TMEM269: variants seen among roughly 807,000 people sequenced by gnomAD.
The protein encoded by TMEM269 is transmembrane protein 269.
A neutral mutation model predicts 15.8 loss-of-function variants in TMEM269; 12 were observed. The ratio of observed to expected loss-of-function variants is 0.76; its 90% CI spans 0.49 to 1.23. The LOEUF is 1.23. Ranked by LOEUF, TMEM269 falls within the 50% of genes most tolerant of loss-of-function variation. TMEM269 has a pLI of 0.00. For missense variants in TMEM269, 211 were observed against 245.4 expected, an observed-to-expected ratio of 0.86 and a Z score of 0.94; for synonymous variants, 93 against 99.3, an observed-to-expected ratio of 0.94 and a Z score of 0.38.
rs10158167 is a variant in TMEM269 at position 42,788,482 on chromosome 1, G to T, written c.-98-1314G>T. On this transcript the variant is annotated intron_variant, in intron 1 of 5. Transcript: ENST00000637012. The surrounding 1 kb of genome is among the most constrained non-coding windows in gnomAD (Gnocchi z 4.0). ...CAGATTGAGTGTAAGGTGTACAAAT[G>T]TGGTCTTAGAGTAAAAACAGAGACA... is the stretch of plus-strand genomic sequence containing the variant. Among the ~76,000 whole-genome samples the T allele has an allele frequency of 2.2e-4, 33 of 152,254 alleles. No homozygotes were observed. Among genetic ancestry groups the T allele is most frequent in the African/African-American group, 7.9e-4 (33 of 41,560 alleles).
chr1:42,794,534 C>T lies in TMEM269; in HGVS notation c.405C>T (p.Leu135=), dbSNP rs865970140. ...ILCCMASLMI[L]FMMDQSYYPY... ...GCTGCATGGCCTCACTCATGATTCT[C>T]TTCATGATGGACCAGAGCTACTATC... The change falls in exon 5 of 6, where the codon CTC becomes CTT. Residue 135 remains leucine, a synonymous_variant. Transcript: ENST00000637012. The T allele has an allele frequency of 4.5e-6, 7 of 1,550,604 alleles. No homozygotes were observed. Among genetic ancestry groups the T allele is most frequent in the Middle Eastern group, 3.3e-4 (2 of 6,016 alleles).
intron 5 of TMEM269, 23 bp from the exon 6 acceptor site, chr1:42,798,075 G>A: frequency 1.3e-6 from 2 of 1,551,086 alleles, no homozygotes; most frequent in Non-Finnish European, 8.7e-7. Flanking sequence ...GAAATTGAGT[G>A]TCTGCACTTT....
rs1371432812 is a variant in TMEM269, at chr1:42,788,399, G to A, written c.-98-1397G>A. Among the ~76,000 whole-genome samples the A allele has an allele frequency of 3.3e-5, 5 of 152,166 alleles. No individual in the cohort carries two copies. The highest frequency in any genetic ancestry group is 7.3e-5 in the Non-Finnish European group (5 of 68,034). On this transcript the variant is annotated intron_variant, in intron 1 of 5. Coordinates refer to ENST00000637012, the MANE Select transcript of TMEM269 (RefSeq NM_001354602.2). This position sits in a 1 kb window ranked among gnomAD's most constrained non-coding sequence, Gnocchi z 4.0. ...CTGGTACATTTGCCCCAACCAGCGG[G>A]GCTTCTCAGTTTTGGGGAGGAATGG... is the stretch of plus-strand genomic sequence containing the variant.
At position 42,800,643 on chromosome 1, in the gene TMEM269, A is replaced by G. The variant is rs1388138739; in HGVS notation, c.*2418A>G. On this transcript the variant is annotated 3_prime_UTR_variant, in exon 6 of 6. Coordinates refer to ENST00000637012, the MANE Select transcript of TMEM269 (RefSeq NM_001354602.2). ...TACTCTTTTAGCCCTGTGACCTTGA[A>G]TAAAACGTTTAATCTCTCTAAGCCT... The G allele has an allele frequency of 6.6e-6, 1 of 152,216 alleles. No individual in the cohort carries two copies. The highest frequency in any genetic ancestry group is 2.4e-5 in the African/African-American group (1 of 41,440). The allele number at this position is 152,216 out of a possible 1,614,324, so 9.4% of individuals were successfully genotyped here.
At chr1:42,792,966 C>A in intron 3 of TMEM269, 64 bp downstream of exon 3, 1 of 1,279,540 alleles carries the variant, frequency 7.8e-7, no homozygotes, top group Non-Finnish European at 1.1e-6. Flanking sequence ...GTCACCCCTT[C>A]GTCCATCCTC....
chr1:42,788,281 C>T lies in TMEM269; in HGVS notation c.-98-1515C>T, dbSNP rs1164131477. Among the ~76,000 whole-genome samples, 1 of 152,182 alleles carries T rather than the reference C, an allele frequency of 6.6e-6. No individual in the cohort carries two copies. The highest frequency in any genetic ancestry group is 1.5e-5 in the Non-Finnish European group (1 of 68,024). ...CAGAGCTGGAGGTGAGATTAATCCTCACATCTGAAATGGGTGAGGATTAAA... is the reference window on the plus strand; with the variant it reads ...CAGAGCTGGAGGTGAGATTAATCCTTACATCTGAAATGGGTGAGGATTAAA... On this transcript the variant is annotated intron_variant, in intron 1 of 5. Transcript: ENST00000637012. The surrounding 1 kb of genome is among the most constrained non-coding windows in gnomAD (Gnocchi z 4.0).
chr1:42,797,318 A>G lies in TMEM269; in HGVS notation c.485-780A>G, dbSNP rs1653805811. On this transcript the variant is annotated intron_variant, in intron 5 of 5. Transcript: ENST00000637012. This position sits in a 1 kb window ranked among gnomAD's most constrained non-coding sequence, Gnocchi z 4.9. ...CATGGGAAAAAGTTCAGGGGAAACCAGGTGCAAGCTTCAGAGAGTCCTCTC... is the reference window on the plus strand; with the variant it reads ...CATGGGAAAAAGTTCAGGGGAAACCGGGTGCAAGCTTCAGAGAGTCCTCTC... 6.6e-6 allele frequency among the ~76,000 whole-genome samples: 1 copy of G among 152,192 alleles called. No homozygotes were observed.
chr1:42,792,875 A>G lies in TMEM269; in HGVS notation c.112A>G (p.Ser38Gly). ...AGACATGGCAGTCAGGGCAATGACCAGCCACATCAACATATGCTCCAAATT... is the reference window on the plus strand; with the variant it reads ...AGACATGGCAGTCAGGGCAATGACCGGCCACATCAACATATGCTCCAAATT... ...LLDMAVRAMTSHINICSKLGA... is the reference protein window; with the variant it reads ...LLDMAVRAMTGHINICSKLGA... Residue 38 changes from serine to glycine, a missense_variant, in exon 3 of 6, where the codon AGC (serine) becomes GGC (glycine). Coordinates refer to ENST00000637012, the MANE Select transcript of TMEM269 (RefSeq NM_001354602.2). 6.4e-7 allele frequency: 1 copy of G among 1,550,618 alleles called. No homozygotes were observed. The highest frequency in any genetic ancestry group is 8.7e-7 in the Non-Finnish European group (1 of 1,147,000).
At position 42,789,982 on chromosome 1, in the gene TMEM269, G is replaced by A. The variant is rs777295546; in HGVS notation, c.41+48G>A. On this transcript the variant is annotated intron_variant, in intron 2 of 5. Coordinates refer to ENST00000637012, the MANE Select transcript of TMEM269 (RefSeq NM_001354602.2). ...TCTTAGCCAAGAGCTGGAGCCAATG[G>A]CATGCGGGAAGGAGAGGGAGAGTTT... is the stretch of plus-strand genomic sequence containing the variant. 68 of 1,383,232 alleles carry A rather than the reference G, an allele frequency of 4.9e-5. No homozygotes were observed. The South Asian group carries it at 6.8e-4, about 14-fold the overall frequency. The allele number at this position is 1,383,232 out of a possible 1,614,324, so 85.7% of individuals were successfully genotyped here.
At position 42,798,842 on chromosome 1, in the gene TMEM269, C is replaced by T. The variant is rs1653839330; in HGVS notation, c.*617C>T. 1 of 141,248 alleles carries T rather than the reference C, an allele frequency of 7.1e-6. No individual in the cohort carries two copies. The allele number at this position is 141,248 out of a possible 1,614,324, so 8.7% of individuals were successfully genotyped here. A position where few individuals can be genotyped will look rare whatever the true frequency, so the allele number is the denominator to read the frequency against. On this transcript the variant is annotated 3_prime_UTR_variant, in exon 6 of 6. Transcript: ENST00000637012. ...ACTGCAGGCTCCGCCCCCCGGGATT[C>T]ACGCCATTCTCCTGCCTCAGCCTCC...
In TMEM269 at chr1:42,799,884, GA is replaced by G. The variant is rs1441756330; in HGVS notation, c.*1664del. On this transcript the variant is annotated 3_prime_UTR_variant, in exon 6 of 6. Transcript: ENST00000637012. ...GAACAACACCACCACCACCAAAAGC[GA>G]AAAACAGGTTTTATTCTGAACTAAA... 6.6e-6 allele frequency: 1 copy of G among 151,972 alleles called. No homozygotes were observed. Among genetic ancestry groups the G allele is most frequent in the Non-Finnish European group, 1.5e-5 (1 of 67,968 alleles). 9.4% of individuals were successfully genotyped at this position (151,972 alleles called of 1,614,324 possible).
chr1:42,797,856 G>C lies in TMEM269; in HGVS notation c.485-242G>C, dbSNP rs1262701853. The C allele has an allele frequency of 1.5e-6, 1 of 652,928 alleles. No homozygotes were observed. The highest frequency in any genetic ancestry group is 3.2e-5 in the East Asian group (1 of 30,894). 40.4% of individuals were successfully genotyped at this position (652,928 alleles called of 1,614,324 possible). On this transcript the variant is annotated intron_variant, in intron 5 of 5. Coordinates refer to ENST00000637012, the MANE Select transcript of TMEM269 (RefSeq NM_001354602.2). This position sits in a 1 kb window ranked among gnomAD's most constrained non-coding sequence, Gnocchi z 4.9. ...GGCAATTCAGATTTATTATTGGCTG[G>C]AACTTCTGATGTGAATTTGACACAG...
intron 5 of TMEM269, among the ~76,000 whole-genome samples, chr1:42,795,693 T>C (rs1653780341): frequency 6.6e-6 from 1 of 152,296 alleles, no homozygotes; most frequent in Middle Eastern, 3.4e-3. Flanking sequence ...TGCAGACGTC[T>C]CCCTAGAGCT....
rs1471632518 is a variant in TMEM269, at chr1:42,798,264, T to C, written c.*39T>C. 2.6e-6 allele frequency: 4 copies of C among 1,539,626 alleles called. No homozygotes were observed. The Admixed American group carries it at 5.9e-5, about 23-fold the overall frequency. ...CTCTACCAGCTCCTGCCGGCCTCTG[T>C]GGGGTTTGTGTCAGCATATTGGGTC... On this transcript the variant is annotated 3_prime_UTR_variant, in exon 6 of 6. Coordinates refer to ENST00000637012, the MANE Select transcript of TMEM269 (RefSeq NM_001354602.2).
intron 3 of TMEM269, among the ~76,000 whole-genome samples, 187 bp from the exon 4 acceptor site, chr1:42,793,414 G>T (rs1442265944): frequency 1.3e-5 from 2 of 152,170 alleles, no homozygotes; most frequent in Non-Finnish European, 2.9e-5. Context: ...CAAGGCCACC[G>T]GCCAGCGCAA....
At position 42,785,296 on chromosome 1, in the gene TMEM269, G is replaced by C. The variant is rs566044944; in HGVS notation, c.-99+214G>C. Among the ~76,000 whole-genome samples, 117 of 152,330 alleles carry C rather than the reference G, an allele frequency of 7.7e-4. 2 individuals carry two copies. The highest frequency in any genetic ancestry group is 3.4e-3 in the Middle Eastern group (1 of 294). ...GCCTCCAGGAAAGGAGCGGGGGCTG[G>C]GAGGGGAGGGGGTCTGTAACTGGCA... On this transcript the variant is annotated intron_variant, in intron 1 of 5. Transcript: ENST00000637012.
chr1:42,794,571 A>G lies in TMEM269; in HGVS notation c.442A>G (p.Ile148Val), dbSNP rs888316012. The change falls in exon 5 of 6, where the codon ATC becomes GTC. Residue 148 changes from isoleucine to valine, a missense_variant. Physicochemically the swap from Ile to Val is conservative, Grantham distance 29. Coordinates refer to ENST00000637012, the MANE Select transcript of TMEM269 (RefSeq NM_001354602.2). ...MDQSYYPYDK[I>V]LESENWKKLV... is the part of the protein sequence containing the mutation. ...CCAGAGCTACTATCCATATGACAAA[A>G]TCCTGGAGTCTGAGAACTGGAAAAA... The G allele has an allele frequency of 1.3e-6, 2 of 1,550,910 alleles. No individual in the cohort carries two copies. The highest frequency in any genetic ancestry group is 1.4e-5 in the African/African-American group (1 of 73,134).
chr1:42,791,475 AAAG>A (rs749564474), intron 2 of TMEM269, among the ~76,000 whole-genome samples: 11 of 152,260 alleles, frequency 7.2e-5, no homozygotes, highest in Admixed American at 2.6e-4. Context: ...CACGTGGATA[AAAG>A]AAGAAGTCTC....
intron 1 of TMEM269, among the ~76,000 whole-genome samples, chr1:42,785,931 C>G (rs1019372798): frequency 6.6e-6 from 1 of 152,254 alleles, no homozygotes; most frequent in Non-Finnish European, 1.5e-5. Flanking sequence ...GCCTCCTCTA[C>G]CAGACTCTGA....
Sources: allele counts gnomAD v4.1 joint callset (sites outside exome capture counted in the v4.1 genomes callset), GRCh38; gene constraint gnomAD v4.1.1; non-coding constraint Gnocchi (gnomAD v3.1); transcripts MANE v1.5; gene names NCBI Gene and HGNC (gene_info 2026-07-23, HGNC 2026-07-21).